Variants in GRIA1 observed in about 807,000 individuals in gnomAD.
GRIA1 encodes glutamate ionotropic receptor AMPA type subunit 1, also known as glutamate receptor 1.
In GRIA1, 31 loss-of-function variants were observed where a neutral mutation model predicts 99.2. The ratio of observed to expected loss-of-function variants is 0.31; its 90% CI spans 0.23 to 0.42. The LOEUF is 0.42. Among genes scored for constraint, GRIA1 ranks in the 10% least tolerant of loss-of-function variants. The pLI is 1.00. For missense variants in GRIA1, 782 were observed against 1,157.5 expected (o/e 0.68, Z 4.71); for synonymous variants, 438 against 432.4 (o/e 1.01, Z -0.16).
intron 11 of GRIA1, among the ~76,000 whole-genome samples, chr5:153,751,115 G>A (rs1762484883): frequency 6.6e-6 from 1 of 152,114 alleles, no homozygotes; most frequent in Non-Finnish European, 1.5e-5. Flanking sequence ...AAGAGAAGGA[G>A]AAGTAAGCAC....
At chr5:153,641,570 G>C (rs902486084) in intron 2 of GRIA1, among the ~76,000 whole-genome samples, 7 of 152,300 alleles carry the variant, frequency 4.6e-5, no homozygotes, top group South Asian at 2.1e-4. Flanking sequence ...CTCTGCTACA[G>C]AGTTTCTTGG....
chr5:153,804,737 ATTTATTTATTTATTT>A (rs1561874937), intron 15 of GRIA1, among the ~76,000 whole-genome samples: 105 of 37,736 alleles, frequency 2.8e-3, no homozygotes, highest in East Asian at 0.019. Flanking sequence ...TAATTAATTT[ATTTATTTATTTATTT>A]ATTTATTTAT....
intron 8 of GRIA1, among the ~76,000 whole-genome samples, chr5:153,696,081 G>A (rs920927697): frequency 6.6e-6 from 1 of 152,204 alleles, no homozygotes; most frequent in Non-Finnish European, 1.5e-5. Context: ...ACTCAGGGTT[G>A]TGTCTGGCAT....
At chr5:153,791,510 G>A (rs1425475012) in intron 13 of GRIA1, among the ~76,000 whole-genome samples, 1 of 152,034 alleles carries the variant, frequency 6.6e-6, no homozygotes, top group Non-Finnish European at 1.5e-5. Context: ...GTGAGCCCAG[G>A]CAAGGATCAC....
At chr5:153,730,792 TAGG>T (rs1760954701) in intron 11 of GRIA1, among the ~76,000 whole-genome samples, 1 of 152,142 alleles carries the variant, frequency 6.6e-6, no homozygotes, top group South Asian at 2.1e-4. Context: ...TCTAGGCAGT[TAGG>T]AGAAGGAAGG....
intron 14 of GRIA1, among the ~76,000 whole-genome samples, chr5:153,802,055 A>G (rs1474175319): frequency 6.6e-6 from 1 of 152,104 alleles, no homozygotes; most frequent in Non-Finnish European, 1.5e-5. Flanking sequence ...AAGCTGCCCT[A>G]AATTTCTTGT....
intron 10 of GRIA1, among the ~76,000 whole-genome samples, chr5:153,702,238 G>A (rs1327064302): frequency 6.6e-6 from 1 of 152,250 alleles, no homozygotes; most frequent in African/African-American, 2.4e-5. Flanking sequence ...TGCAAATGAA[G>A]TTTCTGCTCC....
chr5:153,732,163 T>C (rs1470015282), intron 11 of GRIA1, among the ~76,000 whole-genome samples: 1 of 152,168 alleles, frequency 6.6e-6, no homozygotes, highest in Non-Finnish European at 1.5e-5. Context: ...TCTTGGCTAT[T>C]GTGAATAGTG....
intron 1 of GRIA1, 93 bp from the exon 2 acceptor site, chr5:153,493,835 T>C: frequency 1.6e-6 from 2 of 1,290,068 alleles, no homozygotes; most frequent in Middle Eastern, 2.0e-4. Context: ...GAGTTTGGCA[T>C]GGGGAGAAGA....
At chr5:153,683,036 C>T (rs17115017) in intron 7 of GRIA1, among the ~76,000 whole-genome samples, 10,417 of 152,216 alleles carry the variant, frequency 0.068, 397 homozygotes, top group Middle Eastern at 0.13. Flanking sequence ...GACAGAAGTT[C>T]CGGGAGCAGG....
intron 11 of GRIA1, among the ~76,000 whole-genome samples, chr5:153,760,564 T>C (rs913997960): frequency 6.6e-6 from 1 of 152,094 alleles, no homozygotes; most frequent in Non-Finnish European, 1.5e-5. Flanking sequence ...TTATTCATAA[T>C]TGAAAGAATT....
intron 10 of GRIA1, among the ~76,000 whole-genome samples, chr5:153,705,099 A>C (rs1758795713): frequency 6.6e-6 from 1 of 152,200 alleles, no homozygotes; most frequent in African/African-American, 2.4e-5. Context: ...GTCAATACAG[A>C]GGGATGTATT....
chr5:153,665,462 A>G (rs1445382697), intron 5 of GRIA1, among the ~76,000 whole-genome samples: 1 of 152,136 alleles, frequency 6.6e-6, no homozygotes, highest in East Asian at 1.9e-4. Context: ...GAACCAGACT[A>G]CCCTCTGTGT....
chr5:153,742,032 C>A (rs1230387387), intron 11 of GRIA1, among the ~76,000 whole-genome samples: 1 of 151,524 alleles, frequency 6.6e-6, no homozygotes, highest in Non-Finnish European at 1.5e-5. Context: ...TAGCATATCA[C>A]AGCATACAGA....
At chr5:153,769,370 G>T (rs1763728921) in intron 12 of GRIA1, among the ~76,000 whole-genome samples, 1 of 152,098 alleles carries the variant, frequency 6.6e-6, no homozygotes. Flanking sequence ...GCCTACTAGA[G>T]TCTAAAAACC....
intron 13 of GRIA1, among the ~76,000 whole-genome samples, chr5:153,778,100 A>G (rs1764383100): frequency 6.6e-6 from 1 of 151,992 alleles, no homozygotes; most frequent in Admixed American, 6.6e-5. Context: ...AAGGAGAGAT[A>G]GAAAAAAATG....
chr5:153,733,404 G>T (rs2149562146), intron 11 of GRIA1, among the ~76,000 whole-genome samples: 1 of 152,036 alleles, frequency 6.6e-6, no homozygotes, highest in African/African-American at 2.4e-5. Flanking sequence ...AGGAATCAAG[G>T]CATACCACTA....
At chr5:153,616,278 A>G (rs186306748) in intron 2 of GRIA1, among the ~76,000 whole-genome samples, 32 of 152,202 alleles carry the variant, frequency 2.1e-4, no homozygotes, top group East Asian at 3.9e-4. Flanking sequence ...TTCTTCCTTT[A>G]TGCTCCTTTT....
At chr5:153,616,629 C>T (rs1766533750) in intron 2 of GRIA1, among the ~76,000 whole-genome samples, 1 of 152,224 alleles carries the variant, frequency 6.6e-6, no homozygotes, top group East Asian at 1.9e-4. Context: ...CAGGGCCTAG[C>T]ACAGCCCCTA....
Sources: allele counts gnomAD v4.1 joint callset (sites outside exome capture counted in the v4.1 genomes callset), GRCh38; gene constraint gnomAD v4.1.1; transcripts MANE v1.5; gene names NCBI Gene and HGNC (gene_info 2026-07-23, HGNC 2026-07-21).